The following EPHA4 variants were observed in gnomAD, a reference collection of about 807,000 sequenced individuals.
EPHA4 encodes the protein EPH receptor A4.
In EPHA4, 19 loss-of-function variants were observed where a neutral mutation model predicts 108.3. The ratio of observed to expected loss-of-function variants is 0.18; its 90% CI spans 0.12 to 0.26. EPHA4 has a LOEUF of 0.26. Among genes scored for constraint, EPHA4 ranks in the 10% least tolerant of loss-of-function variants. The probability of loss-of-function intolerance (pLI) is 1.00; values close to 1 mark genes in which losing one functional copy is unlikely to be tolerated. For missense variants in EPHA4, 917 were observed against 1,254.0 expected (o/e 0.73, Z 4.06); for synonymous variants, 449 against 455.5 (o/e 0.99, Z 0.18).
At chr2:221,563,065 C>G (rs1369724106) in intron 3 of EPHA4, among the ~76,000 whole-genome samples, 2 of 152,196 alleles carry the variant, frequency 1.3e-5, no homozygotes, top group Non-Finnish European at 2.9e-5. Flanking sequence ...TAAGAAGACT[C>G]TTGCTTGCTT....
intron 3 of EPHA4, among the ~76,000 whole-genome samples, chr2:221,518,132 C>G (rs781511881): frequency 3.9e-5 from 6 of 152,162 alleles, no homozygotes; most frequent in Non-Finnish European, 8.8e-5. Context: ...AAATAGGTAG[C>G]TGGTTTTCAG....
At chr2:221,461,923 A>G (rs1281545455) in intron 5 of EPHA4, among the ~76,000 whole-genome samples, 1 of 151,806 alleles carries the variant, frequency 6.6e-6, no homozygotes, top group Non-Finnish European at 1.5e-5. Context: ...GTAGACACTC[A>G]ATACACCTGC....
chr2:221,434,718 T>C (rs1690179156), intron 13 of EPHA4, among the ~76,000 whole-genome samples: 1 of 152,326 alleles, frequency 6.6e-6, no homozygotes, highest in South Asian at 2.1e-4. Context: ...TGAAGGAATT[T>C]AAATATGAAC....
chr2:221,506,093 G>A (rs1389003539), intron 3 of EPHA4, among the ~76,000 whole-genome samples: 1 of 152,072 alleles, frequency 6.6e-6, no homozygotes, highest in Non-Finnish European at 1.5e-5. Context: ...GGCAAAGAGA[G>A]GCTTATAGGT....
rs1036337467 is a variant in EPHA4 at position 221,568,745 on chromosome 2, C to T, written c.132G>A (p.Gly44=). The change falls in exon 2 of 18, where the codon GGG becomes GGA. Residue 44 remains glycine (G), a synonymous_variant. Coordinates refer to ENST00000281821, the MANE Select transcript of EPHA4 (RefSeq NM_004438.5). The part of the protein sequence containing the change: ...LDSRSVQGEL[G]WIASPLEGGW... ...CTCCTTCCAGAGGGCTTGCTATCCA[C>T]CCAAGTTCTCCCTGAACAGATCTGG... The T allele has an allele frequency of 5.6e-6, 9 of 1,613,690 alleles. No individual in the cohort carries two copies. Among genetic ancestry groups the T allele is most frequent in the Admixed American group, 5.0e-5 (3 of 59,968 alleles).
chr2:221,538,669 T>C (rs1693743328), intron 3 of EPHA4, among the ~76,000 whole-genome samples: 1 of 152,194 alleles, frequency 6.6e-6, no homozygotes, highest in South Asian at 2.1e-4. Context: ...TTTGATCTAG[T>C]AAATAAACCT....
intron 3 of EPHA4, among the ~76,000 whole-genome samples, chr2:221,537,787 C>A (rs181639960): frequency 1.3e-5 from 2 of 151,540 alleles, no homozygotes; most frequent in African/African-American, 4.8e-5. Flanking sequence ...GAGATTCCAT[C>A]GAAAAGAAGA....
At chr2:221,561,024 C>G (rs984872401) in intron 3 of EPHA4, among the ~76,000 whole-genome samples, 7 of 152,158 alleles carry the variant, frequency 4.6e-5, no homozygotes, top group African/African-American at 1.7e-4. Flanking sequence ...GGGTGGATCA[C>G]GAGGTCAGGA....
chr2:221,526,063 C>G (rs1693314611), intron 3 of EPHA4, among the ~76,000 whole-genome samples: 1 of 152,142 alleles, frequency 6.6e-6, no homozygotes, highest in Non-Finnish European at 1.5e-5. Flanking sequence ...TGGCTCAGCA[C>G]TTTATATACA....
chr2:221,447,031 A>G (rs1048217577), intron 8 of EPHA4, among the ~76,000 whole-genome samples: 1 of 152,202 alleles, frequency 6.6e-6, no homozygotes, highest in Non-Finnish European at 1.5e-5. Context: ...TCTCTCTTAT[A>G]CAAACTGGAA....
In EPHA4 at chr2:221,504,547, A is replaced by G. The variant is rs867951842; in HGVS notation, c.824-3375T>C. On this transcript the variant is annotated intron_variant, in intron 3 of 17. Transcript: ENST00000281821. ...CCTACTATTTGAAAATTTTATATAT[A>G]TATATATATATATATATGGCTATGT... Among the ~76,000 whole-genome samples, 71 of 148,530 alleles carry G rather than the reference A, an allele frequency of 4.8e-4. 1 individual carries two copies. The highest frequency in any genetic ancestry group is 1.6e-3 in the African/African-American group (67 of 40,662).
At chr2:221,568,364 A>C (rs571262072) in intron 2 of EPHA4, among the ~76,000 whole-genome samples, 14 of 152,178 alleles carry the variant, frequency 9.2e-5, no homozygotes, top group Non-Finnish European at 1.9e-4. Flanking sequence ...TTGCTCTTAA[A>C]TTAACCTTGT....
chr2:221,573,357 T>C (rs1285689163), upstream of EPHA4: 1 of 151,992 alleles, frequency 6.6e-6, no homozygotes, highest in Non-Finnish European at 1.5e-5. The surrounding 1 kb of genome is among the most constrained non-coding windows in gnomAD (Gnocchi z 4.5). Flanking sequence ...GCCCGGCTGC[T>C]CCGGCCCCGG....
At chr2:221,491,354 A>G (rs1308660805) in intron 4 of EPHA4, among the ~76,000 whole-genome samples, 1 of 152,236 alleles carries the variant, frequency 6.6e-6, no homozygotes, top group Non-Finnish European at 1.5e-5. Flanking sequence ...AACAGCTGCA[A>G]TCAAATCTGA....
At chr2:221,536,334 C>A (rs957265386) in intron 3 of EPHA4, among the ~76,000 whole-genome samples, 1 of 152,092 alleles carries the variant, frequency 6.6e-6, no homozygotes, top group Non-Finnish European at 1.5e-5. Context: ...AGATTATAAG[C>A]CTTTTGGAAA....
At chr2:221,569,228 T>C (rs1293890150) in intron 1 of EPHA4, among the ~76,000 whole-genome samples, 1 of 152,208 alleles carries the variant, frequency 6.6e-6, no homozygotes, top group Non-Finnish European at 1.5e-5. Flanking sequence ...GAATTCTCTC[T>C]TCTATCAGAG....
chr2:221,472,408 C>A (rs539178608), intron 5 of EPHA4, among the ~76,000 whole-genome samples: 1 of 152,180 alleles, frequency 6.6e-6, no homozygotes, highest in South Asian at 2.1e-4. Flanking sequence ...TAAGCTACCC[C>A]CTTTTCAGTG....
At chr2:221,527,769 T>C (rs999112114) in intron 3 of EPHA4, among the ~76,000 whole-genome samples, 2 of 152,164 alleles carry the variant, frequency 1.3e-5, no homozygotes, top group Non-Finnish European at 2.9e-5. Context: ...ATTGTATTAT[T>C]ATTACCATTT....
chr2:221,555,365 G>A (rs1262220327), intron 3 of EPHA4, among the ~76,000 whole-genome samples: 1 of 152,204 alleles, frequency 6.6e-6, no homozygotes, highest in Non-Finnish European at 1.5e-5. Flanking sequence ...GGGGAAATGG[G>A]TGTGCTGTTT....
Sources: gnomAD v4.1 joint callset for allele counts (sites outside exome capture counted in the v4.1 genomes callset) on GRCh38, gnomAD v4.1.1 for gene constraint, Gnocchi (gnomAD v3.1) non-coding constraint, MANE v1.5 for transcripts, NCBI Gene and HGNC (gene_info 2026-07-23, HGNC 2026-07-21) for gene names.